NME7: variants seen among roughly 807,000 people sequenced by gnomAD.
NME7 encodes the protein nucleoside diphosphate kinase 7.
A neutral mutation model predicts 49.1 loss-of-function variants in NME7; 41 were observed. That is an observed-to-expected ratio of 0.83 (90% CI 0.65 to 1.08). The LOEUF (loss-of-function observed/expected upper bound fraction) is 1.08, where lower values mean the gene tolerates loss of function less well. Among genes scored for constraint, NME7 ranks in the 50% least tolerant of loss-of-function variants. NME7 has a pLI of 0.00. For synonymous variants in NME7, 139 were observed against 150.6 expected (o/e 0.92, Z 0.56); for missense variants, 423 against 463.4 (o/e 0.91, Z 0.80).
intron 3 of NME7, among the ~76,000 whole-genome samples, chr1:169,316,432 T>C (rs1183140300): frequency 2.0e-5 from 3 of 152,106 alleles, no homozygotes; most frequent in African/African-American, 7.2e-5. Context: ...CAACAGAGAA[T>C]ATAGTAGGCA....
At chr1:169,273,575 A>G (rs1649575075) in intron 7 of NME7, among the ~76,000 whole-genome samples, 1 of 130,762 alleles carries the variant, frequency 7.6e-6, no homozygotes, top group Non-Finnish European at 1.8e-5. Context: ...CTCGTCATTT[A>G]GCATTAGGTA....
At chr1:169,304,204 G>T (rs1651085302) in intron 4 of NME7, among the ~76,000 whole-genome samples, 1 of 152,146 alleles carries the variant, frequency 6.6e-6, no homozygotes, top group Non-Finnish European at 1.5e-5. Context: ...ATTTTAAACT[G>T]ATTAGCTAAA....
chr1:169,294,645 C>G (rs1051914880), intron 6 of NME7, among the ~76,000 whole-genome samples: 1 of 151,860 alleles, frequency 6.6e-6, no homozygotes, highest in Non-Finnish European at 1.5e-5. Flanking sequence ...CCTAGAGCCA[C>G]CTAACATAAT....
intron 11 of NME7, among the ~76,000 whole-genome samples, chr1:169,156,042 C>T (rs1659058331): frequency 6.6e-6 from 1 of 151,870 alleles, no homozygotes; most frequent in Non-Finnish European, 1.5e-5. Context: ...CCCAGCCAGG[C>T]ATGGTGGCTC....
intron 5 of NME7, among the ~76,000 whole-genome samples, chr1:169,300,614 C>A (rs1448325179): frequency 6.6e-6 from 1 of 152,040 alleles, no homozygotes; most frequent in African/African-American, 2.4e-5. Flanking sequence ...AAATATATAT[C>A]AAACTAGTTA....
chr1:169,333,616 A>G (rs1571397151), intron 1 of NME7, among the ~76,000 whole-genome samples: 2 of 151,914 alleles, frequency 1.3e-5, no homozygotes, highest in South Asian at 2.1e-4. Flanking sequence ...ATAAATATAT[A>G]TATCTACTAT....
chr1:169,254,365 T>C (rs1322802012), intron 7 of NME7, among the ~76,000 whole-genome samples: 2 of 152,074 alleles, frequency 1.3e-5, no homozygotes, highest in African/African-American at 4.8e-5. Context: ...GTGTTTGTAG[T>C]ATTCTCTGAT....
At chr1:169,237,119 G>A (rs1007649404) in intron 8 of NME7, among the ~76,000 whole-genome samples, 4 of 151,926 alleles carry the variant, frequency 2.6e-5, no homozygotes, top group Admixed American at 6.6e-5. Context: ...AAGGTGCAGC[G>A]GTACAAGTGC....
chr1:169,246,826 A>T (rs1398817577), intron 7 of NME7, among the ~76,000 whole-genome samples: 2 of 152,250 alleles, frequency 1.3e-5, no homozygotes, highest in Non-Finnish European at 2.9e-5. Flanking sequence ...TGATCTTCCC[A>T]CCTGAGCCTC....
chr1:169,349,504 C>T (rs940294617), intron 1 of NME7, among the ~76,000 whole-genome samples: 9 of 152,152 alleles, frequency 5.9e-5, no homozygotes, highest in African/African-American at 1.4e-4. Context: ...AAATTCCTTT[C>T]GCTTGCTTTC....
chr1:169,188,712 T>A (rs2101759491), intron 10 of NME7, among the ~76,000 whole-genome samples: 1 of 152,310 alleles, frequency 6.6e-6, no homozygotes, highest in East Asian at 1.9e-4. Context: ...AACAAACACA[T>A]CTTTTCCTTT....
Position 169,365,379 on chromosome 1 carries a change from G to A in NME7, c.3+2329C>T, listed in dbSNP as rs112622016. Among the ~76,000 whole-genome samples the A allele has an allele frequency of 3.5e-3, 526 of 152,318 alleles. 4 individuals carry two copies. Among genetic ancestry groups the A allele is most frequent in the African/African-American group, 0.012 (502 of 41,572 alleles). On this transcript the variant is annotated intron_variant, in intron 1 of 11. Coordinates refer to ENST00000367811, the MANE Select transcript of NME7 (RefSeq NM_013330.5). ...TCTCAATGTTTGGCCTTTCTGGGAA[G>A]TGGGCAAGAAGAACACGTTGGCCTG...
At chr1:169,175,675 G>A (rs1659729472) in intron 10 of NME7, among the ~76,000 whole-genome samples, 1 of 152,138 alleles carries the variant, frequency 6.6e-6, no homozygotes. Flanking sequence ...ACTGTAATGA[G>A]TAGCATATGG....
intron 10 of NME7, among the ~76,000 whole-genome samples, chr1:169,204,765 AT>A: frequency 6.6e-6 from 1 of 152,208 alleles, no homozygotes; most frequent in Non-Finnish European, 1.5e-5. Context: ...TGCAAGCAAA[AT>A]CTAGTAATGC....
intron 10 of NME7, among the ~76,000 whole-genome samples, chr1:169,200,001 T>C (rs1054924319): frequency 6.6e-6 from 1 of 152,084 alleles, no homozygotes; most frequent in African/African-American, 2.4e-5. Flanking sequence ...TATTCATTAG[T>C]TATTTTTCAT....
intron 8 of NME7, among the ~76,000 whole-genome samples, chr1:169,237,017 G>A (rs1164674931): frequency 6.6e-6 from 1 of 152,026 alleles, no homozygotes; most frequent in African/African-American, 2.4e-5. Context: ...ACAGCACAAA[G>A]GTATGACCTC....
At chr1:169,257,249 C>A (rs776206172) in intron 7 of NME7, among the ~76,000 whole-genome samples, 1 of 134,552 alleles carries the variant, frequency 7.4e-6, no homozygotes, top group East Asian at 2.0e-4. Flanking sequence ...AAGCCAGGTG[C>A]GGGATATAAT....
chr1:169,182,362 C>G (rs540007813), intron 10 of NME7, among the ~76,000 whole-genome samples: 166 of 152,172 alleles, frequency 1.1e-3, no homozygotes, highest in African/African-American at 3.5e-3. Flanking sequence ...ACCTCATTGT[C>G]TTCCTCCCAA....
At chr1:169,190,235 T>C (rs1660179744) in intron 10 of NME7, among the ~76,000 whole-genome samples, 1 of 152,012 alleles carries the variant, frequency 6.6e-6, no homozygotes, top group South Asian at 2.1e-4. Context: ...GGTTAGTTAA[T>C]CCATATGCTG....
Sources: gnomAD v4.1 joint callset for allele counts (sites outside exome capture counted in the v4.1 genomes callset) on GRCh38, gnomAD v4.1.1 for gene constraint, MANE v1.5 for transcripts, NCBI Gene and HGNC (gene_info 2026-07-23, HGNC 2026-07-21) for gene names.